Variants in RGS6 observed in about 807,000 individuals in gnomAD.
The protein encoded by RGS6 is regulator of G protein signaling 6, also known as regulator of G-protein signaling 6.
Under a neutral mutation model 78.5 loss-of-function variants are expected in RGS6, and 30 were observed. That is an observed-to-expected ratio of 0.38 (90% CI 0.29 to 0.52). The LOEUF is 0.52. RGS6 is among the 20% of genes least tolerant of loss of function. The pLI is 0.85. For synonymous variants in RGS6, 206 were observed against 206.0 expected, an observed-to-expected ratio of 1.00 and a Z score of 0.00; for missense variants, 495 against 609.7, an observed-to-expected ratio of 0.81 and a Z score of 1.98.
chr14:72,332,217 C>T (rs976699027), intron 2 of RGS6, among the ~76,000 whole-genome samples: 2 of 152,212 alleles, frequency 1.3e-5, no homozygotes, highest in South Asian at 2.1e-4. Flanking sequence ...AACTAAGCTC[C>T]TCCCAGCTCC....
chr14:72,291,790 G>A (rs956476086), intron 2 of RGS6, among the ~76,000 whole-genome samples: 1 of 152,126 alleles, frequency 6.6e-6, no homozygotes, highest in Admixed American at 6.5e-5. Context: ...AAAGGGCCGA[G>A]CACGTCAGTA....
At chr14:72,292,251 C>A (rs1320306480) in intron 2 of RGS6, among the ~76,000 whole-genome samples, 3 of 152,208 alleles carry the variant, frequency 2.0e-5, no homozygotes, top group Non-Finnish European at 2.9e-5. Flanking sequence ...TCAACTCCAG[C>A]TGTCGTTTGT....
At chr14:72,044,011 CTT>C (rs1170447871) in intron 2 of RGS6, among the ~76,000 whole-genome samples, 1 of 152,144 alleles carries the variant, frequency 6.6e-6, no homozygotes, top group African/African-American at 2.4e-5. Context: ...TTTCTTCTCT[CTT>C]TGCATTTTTA....
At chr14:72,012,319 A>G (rs1300956612) in intron 2 of RGS6, among the ~76,000 whole-genome samples, 2 of 152,212 alleles carry the variant, frequency 1.3e-5, no homozygotes, top group Admixed American at 6.5e-5. Context: ...CTATACACAT[A>G]GACATGATTT....
intron 2 of RGS6, among the ~76,000 whole-genome samples, chr14:72,076,909 A>G (rs780962121): frequency 6.6e-6 from 1 of 150,700 alleles, no homozygotes; most frequent in African/African-American, 2.5e-5. Context: ...CATATATCCA[A>G]ATATACCTAT....
chr14:72,375,170 A>T (rs1443696764), intron 3 of RGS6, among the ~76,000 whole-genome samples: 1 of 152,210 alleles, frequency 6.6e-6, no homozygotes, highest in African/African-American at 2.4e-5. Flanking sequence ...AATAACAGAG[A>T]AAATGGGAAG....
intron 15 of RGS6, among the ~76,000 whole-genome samples, chr14:72,518,864 T>C (rs2096989679): frequency 6.6e-6 from 1 of 152,196 alleles, no homozygotes; most frequent in African/African-American, 2.4e-5. Context: ...ATTGGGGAAG[T>C]GGGTGTAGTG....
the RGS6 span, among the ~76,000 whole-genome samples, chr14:72,620,468 G>C: frequency 5.3e-5 from 8 of 152,222 alleles, no homozygotes; most frequent in Non-Finnish European, 2.9e-5. Flanking sequence ...GGTTTCATTA[G>C]AATGTAGAAA....
In RGS6 at chr14:72,045,863, T is replaced by C. The variant is rs931610257; in HGVS notation, c.84+80988T>C. Among the ~76,000 whole-genome samples, 55 of 152,182 alleles carry C rather than the reference T, an allele frequency of 3.6e-4. 1 individual carries two copies. Among genetic ancestry groups the C allele is most frequent in the African/African-American group, 1.3e-3 (54 of 41,522 alleles). On this transcript the variant is annotated intron_variant, in intron 2 of 17. Coordinates refer to ENST00000553525, the MANE Select transcript of RGS6 (RefSeq NM_001204424.2). ...TTTTTGAAACTCCTCTGGGCATATT[T>C]CACAATAGTTACCATTAGGGATGGA...
intron 3 of RGS6, among the ~76,000 whole-genome samples, chr14:72,378,942 A>G (rs927034348): frequency 6.6e-6 from 1 of 152,160 alleles, no homozygotes; most frequent in African/African-American, 2.4e-5. Flanking sequence ...CCTCAACAAA[A>G]TACAAACCAA....
chr14:72,093,373 G>A (rs555965274), intron 2 of RGS6, among the ~76,000 whole-genome samples: 56 of 152,134 alleles, frequency 3.7e-4, no homozygotes, highest in African/African-American at 1.3e-3. Context: ...CTCTTGAGTA[G>A]CTGGGACTAA....
chr14:72,627,278 T>C, the RGS6 span, among the ~76,000 whole-genome samples: 1 of 152,124 alleles, frequency 6.6e-6, no homozygotes, highest in African/African-American at 2.4e-5. Context: ...ACTAGCGTGG[T>C]TTTACTTTGT....
intron 2 of RGS6, among the ~76,000 whole-genome samples, chr14:72,320,811 T>G (rs1174640528): frequency 6.6e-6 from 1 of 150,956 alleles, no homozygotes; most frequent in Non-Finnish European, 1.5e-5. Context: ...GGTATGTAGA[T>G]TCATTCATCA....
At chr14:72,463,605 G>A (rs2095835681) in intron 6 of RGS6, among the ~76,000 whole-genome samples, 1 of 152,208 alleles carries the variant, frequency 6.6e-6, no homozygotes, top group Admixed American at 6.5e-5. Flanking sequence ...GACTCTGCCT[G>A]CATAAAACCC....
intron 3 of RGS6, among the ~76,000 whole-genome samples, chr14:72,419,478 A>C (rs1397183899): frequency 6.6e-6 from 1 of 152,214 alleles, no homozygotes; most frequent in African/African-American, 2.4e-5. Context: ...GGAGAGAGAC[A>C]GTGCGGGTAT....
At chr14:72,379,349 A>T (rs1002572497) in intron 3 of RGS6, among the ~76,000 whole-genome samples, 2 of 152,134 alleles carry the variant, frequency 1.3e-5, no homozygotes, top group African/African-American at 4.8e-5. Flanking sequence ...TGGCAAAAAA[A>T]TAAATAAAGG....
At chr14:72,337,886 G>A (rs985538279) in intron 2 of RGS6, among the ~76,000 whole-genome samples, 2 of 152,156 alleles carry the variant, frequency 1.3e-5, no homozygotes, top group African/African-American at 2.4e-5. Flanking sequence ...GAGTCACCCA[G>A]GGTTTCTTCT....
chr14:72,259,500 G>C (rs1202295393), intron 2 of RGS6, among the ~76,000 whole-genome samples: 2 of 152,168 alleles, frequency 1.3e-5, no homozygotes, highest in East Asian at 3.8e-4. Flanking sequence ...TGAGAGGATT[G>C]ATTGATATGG....
chr14:72,493,371 T>G lies in RGS6; in HGVS notation c.855-1781T>G, dbSNP rs544603848. 2.9e-4 allele frequency among the ~76,000 whole-genome samples: 44 copies of G among 152,122 alleles called. 1 individual carries two copies. The highest frequency in any genetic ancestry group is 8.3e-4 in the South Asian group (4 of 4,806). On this transcript the variant is annotated intron_variant, in intron 12 of 17. Coordinates refer to ENST00000553525, the MANE Select transcript of RGS6 (RefSeq NM_001204424.2). Reference sequence around the variant, plus strand: ...GACACTATGATAACCAAAAGTGAACTCTGAAACTTAGAAAGTAATGGCTCA... The same window carrying G: ...GACACTATGATAACCAAAAGTGAACGCTGAAACTTAGAAAGTAATGGCTCA...
Sources: allele counts gnomAD v4.1 joint callset (sites outside exome capture counted in the v4.1 genomes callset), GRCh38; gene constraint gnomAD v4.1.1; transcripts MANE v1.5; gene names NCBI Gene and HGNC (gene_info 2026-07-23, HGNC 2026-07-21).